Variants in SUN3 observed in about 807,000 individuals in gnomAD.
The protein encoded by SUN3 is Sad1 and UNC84 domain containing 3.
SUN3 carries 36 observed loss-of-function variants against 48.2 expected under a neutral mutation model. That is an observed-to-expected ratio of 0.75 (90% CI 0.57 to 0.99). The LOEUF (loss-of-function observed/expected upper bound fraction) is 0.99, where lower values mean the gene tolerates loss of function less well. Ranked by LOEUF, SUN3 falls within the 50% of genes least tolerant of loss-of-function variation. The pLI is 0.00. For missense variants in SUN3, 419 were observed against 433.1 expected, an observed-to-expected ratio of 0.97 and a Z score of 0.29; for synonymous variants, 148 against 147.9, an observed-to-expected ratio of 1.00 and a Z score of 0.00.
chr7:47,995,306 G>T (rs1016186627), intron 7 of SUN3, among the ~76,000 whole-genome samples: 1 of 151,704 alleles, frequency 6.6e-6, no homozygotes, highest in Non-Finnish European at 1.5e-5. Context: ...GATGGACATG[G>T]AGGTTGTGAT....
intron 6 of SUN3, among the ~76,000 whole-genome samples, chr7:48,001,040 C>A (rs1317181767): frequency 6.6e-6 from 1 of 151,732 alleles, no homozygotes; most frequent in East Asian, 1.9e-4. Context: ...TTTTTTCATT[C>A]TTTGAATTGC....
intron 3 of SUN3, 55 bp from the exon 4 acceptor site, chr7:48,009,130 T>TC (rs1487488456): frequency 1.3e-5 from 20 of 1,515,194 alleles, no homozygotes; most frequent in Non-Finnish European, 1.8e-5. Context: ...TCAAATAGAG[T>TC]CTTTTTTTTT....
intron 8 of SUN3, among the ~76,000 whole-genome samples, chr7:47,992,328 GA>G: frequency 6.6e-6 from 1 of 152,290 alleles, no homozygotes; most frequent in African/African-American, 2.4e-5. Context: ...GCGAGCAGAA[GA>G]AAATGAGACA....
rs1226113950 is a variant in SUN3 at position 47,996,147 on chromosome 7, C to T, written c.578-1G>A. ...GTCCCAGCTTCAATGATGGAGGCTC[C>T]TAAAATTATAAAGTAAGTTGTAAAA... On this transcript the variant is annotated splice_acceptor_variant, in intron 6 of 9. Coordinates refer to ENST00000297325, the MANE Select transcript of SUN3 (RefSeq NM_001030019.2). LOFTEE classifies it high-confidence loss of function. The T allele has an allele frequency of 1.3e-6, 2 of 1,504,168 alleles. No homozygotes were observed. The highest frequency in any genetic ancestry group is 1.2e-5 in the South Asian group (1 of 80,912). The allele number at this position is 1,504,168 out of a possible 1,614,324, so 93.2% of individuals were successfully genotyped here. A position where few individuals can be genotyped will look rare whatever the true frequency, so the allele number is the denominator to read the frequency against.
chr7:47,998,160 G>C (rs942277035), intron 6 of SUN3, among the ~76,000 whole-genome samples: 1 of 152,212 alleles, frequency 6.6e-6, no homozygotes, highest in Non-Finnish European at 1.5e-5. Context: ...CTTTGCCAGA[G>C]TGGCTGTGCC....
intron 3 of SUN3, 34 bp from the exon 4 acceptor site, chr7:48,009,109 A>G (rs772935593): frequency 1.3e-6 from 2 of 1,589,782 alleles, no homozygotes; most frequent in Non-Finnish European, 1.7e-6. Flanking sequence ...ATCATTCTGA[A>G]TTCTGCTTAT....
chr7:47,988,767 A>T (rs776815246), intron 9 of SUN3, 21 bp downstream of exon 9: 2 of 1,506,366 alleles, frequency 1.3e-6, no homozygotes, highest in Admixed American at 3.6e-5. Flanking sequence ...TACTCATATC[A>T]TTTCCCAGAG....
Position 48,007,286 on chromosome 7 carries a change from A to C in SUN3, c.371T>G (p.Leu124Arg), listed in dbSNP as rs763409732. The C allele has an allele frequency of 1.9e-6, 3 of 1,614,150 alleles. No individual in the cohort carries two copies. Among genetic ancestry groups the C allele is most frequent in the Non-Finnish European group, 2.5e-6 (3 of 1,180,010 alleles). Residue 124 changes from leucine to arginine, a missense_variant, in exon 5 of 10, where the codon CTA becomes CGA. Leu to Arg is a moderately radical substitution (Grantham distance 102). Coordinates refer to ENST00000297325, the MANE Select transcript of SUN3 (RefSeq NM_001030019.2). ...QNLENNFRQILFLIEQIDVLK... is the reference protein window; with the variant it reads ...QNLENNFRQIRFLIEQIDVLK... ...GACATCTATTTGTTCGATCAAAAAT[A>C]GAATTTGACGAAAATTGTTTTCCAG... is the stretch of plus-strand genomic sequence containing the variant.
At chr7:47,996,203 A>G (rs1187720197) in intron 6 of SUN3, 57 bp from the exon 7 acceptor site, 22 of 947,436 alleles carry the variant, frequency 2.3e-5, no homozygotes, top group Non-Finnish European at 3.3e-5. Flanking sequence ...TTCAAAACAC[A>G]TCATTTGAAT....
chr7:48,002,745 T>A (rs1391611113), intron 6 of SUN3, among the ~76,000 whole-genome samples: 1 of 152,244 alleles, frequency 6.6e-6, no homozygotes, highest in African/African-American at 2.4e-5. Flanking sequence ...TAGATCCCGT[T>A]TGCCAATTCT....
upstream of SUN3, among the ~76,000 whole-genome samples, chr7:48,031,292 C>T (rs893041376): frequency 1.3e-5 from 2 of 152,204 alleles, no homozygotes; most frequent in African/African-American, 4.8e-5. Context: ...TACTCAACAT[C>T]ATTAATCATC....
chr7:47,994,193 A>G (rs2128770822), intron 8 of SUN3, 122 bp downstream of exon 8: 2 of 847,140 alleles, frequency 2.4e-6, no homozygotes, highest in East Asian at 2.7e-5. Context: ...GTGAGAAAGC[A>G]GAAGTCCAGG....
rs1376731749 is a variant in SUN3, at chr7:48,017,352, A to T, written c.198T>A (p.His66Gln). The T allele has an allele frequency of 6.3e-7, 1 of 1,595,268 alleles. No homozygotes were observed. Among genetic ancestry groups the T allele is most frequent in the Admixed American group, 1.7e-5 (1 of 58,824 alleles). Residue 66 changes from histidine to glutamine, a missense_variant, in exon 3 of 10, where the codon CAT becomes CAA. His to Gln is a conservative substitution (Grantham distance 24). Coordinates refer to ENST00000297325, the MANE Select transcript of SUN3 (RefSeq NM_001030019.2). ...LTFLLVGLLN[H>Q]QWLKETDVPQ... ...GAACATCTGTTTCTTTAAGCCACTG[A>T]TGATTTAGGAGTCCTGTTAAAGAAA... is the stretch of plus-strand genomic sequence containing the variant.
chr7:48,034,032 C>A (rs771860838), upstream of SUN3, among the ~76,000 whole-genome samples: 2 of 152,178 alleles, frequency 1.3e-5, no homozygotes, highest in South Asian at 2.1e-4. Context: ...CCAGCCTGGG[C>A]GACAGAGCAA....
chr7:48,027,810 C>A (rs1057478378), intron 1 of SUN3, among the ~76,000 whole-genome samples: 3 of 152,130 alleles, frequency 2.0e-5, no homozygotes, highest in Non-Finnish European at 4.4e-5. Flanking sequence ...TATTCTGGAA[C>A]CTCTTCCTTT....
At chr7:48,015,808 A>G (rs576207316) in intron 3 of SUN3, among the ~76,000 whole-genome samples, 1 of 152,190 alleles carries the variant, frequency 6.6e-6, no homozygotes, top group African/African-American at 2.4e-5. Context: ...TCTAACTTTT[A>G]AGCTGTCCTT....
intron 3 of SUN3, among the ~76,000 whole-genome samples, chr7:48,015,368 G>A (rs560493416): frequency 5.3e-5 from 8 of 152,254 alleles, no homozygotes; most frequent in South Asian, 2.1e-4. Context: ...ACTGAGTAGC[G>A]CCTCTGAGAT....
chr7:47,992,322 G>T (rs1789089580), intron 8 of SUN3, among the ~76,000 whole-genome samples: 1 of 152,184 alleles, frequency 6.6e-6, no homozygotes, highest in South Asian at 2.1e-4. Context: ...CCGGAAGCGA[G>T]CAGAAGAAAA....
chr7:48,028,502 A>G (rs1272467556), intron 1 of SUN3, among the ~76,000 whole-genome samples: 2 of 150,558 alleles, frequency 1.3e-5, no homozygotes, highest in Non-Finnish European at 3.0e-5. Context: ...AAAAAAAAAA[A>G]AAAAAAGTGA....
Sources: allele counts gnomAD v4.1 joint callset (sites outside exome capture counted in the v4.1 genomes callset), GRCh38; gene constraint gnomAD v4.1.1; transcripts MANE v1.5; gene names NCBI Gene and HGNC (gene_info 2026-07-23, HGNC 2026-07-21).